PDGFRA: variants seen among roughly 807,000 people sequenced by gnomAD.
PDGFRA encodes the protein platelet derived growth factor receptor alpha, also known as platelet-derived growth factor receptor alpha.
In PDGFRA, 25 loss-of-function variants were observed where a neutral mutation model predicts 121.5. The ratio of observed to expected loss-of-function variants is 0.21; its 90% CI spans 0.15 to 0.29. The LOEUF (loss-of-function observed/expected upper bound fraction) is 0.29. Ranked by LOEUF, PDGFRA falls within the 10% of genes least tolerant of loss-of-function variation. The probability of loss-of-function intolerance (pLI) is 1.00; values close to 1 mark genes in which losing one functional copy is unlikely to be tolerated. For synonymous variants in PDGFRA, 463 were observed against 494.8 expected (o/e 0.94, Z 0.85); for missense variants, 1,008 against 1,345.1 (o/e 0.75, Z 3.92).
chr4:54,259,312 T>TA (rs945970481), intron 2 of PDGFRA, among the ~76,000 whole-genome samples: 9 of 151,944 alleles, frequency 5.9e-5, no homozygotes, highest in African/African-American at 1.7e-4. Context: ...AGACCTCATT[T>TA]AAAAAAAATG....
chr4:54,285,884 A>G lies in PDGFRA; in HGVS notation c.2483A>G (p.Gln828Arg), dbSNP rs756209197. 8.1e-6 allele frequency: 13 copies of G among 1,613,916 alleles called. No individual in the cohort carries two copies. Among genetic ancestry groups the G allele is most frequent in the African/African-American group, 4.0e-5 (3 of 74,920 alleles). ...DLAARNVLLA[Q>R]GKIVKICDFG... ...GCTGCTCGCAACGTCCTCCTGGCAC[A>G]AGGAAAAATTGTGAAGATCTGTGAC... The change falls in exon 18 of 23, where the codon CAA becomes CGA. Residue 828 changes from glutamine (Q) to arginine (R), a missense_variant. Around this residue, in one of 5 missense-constraint regions of PDGFRA, gnomAD observed 40 missense variants for 127.4 expected, o/e 0.31. Transcript: ENST00000257290.
At chr4:54,258,108 T>G (rs528446454) in intron 1 of PDGFRA, among the ~76,000 whole-genome samples, 1 of 152,252 alleles carries the variant, frequency 6.6e-6, no homozygotes, top group Non-Finnish European at 1.5e-5. Flanking sequence ...CTCTCCCACT[T>G]TCTCTCCCTT....
chr4:54,254,062 T>C (rs1199258252), intron 1 of PDGFRA, among the ~76,000 whole-genome samples: 2 of 152,164 alleles, frequency 1.3e-5, no homozygotes, highest in East Asian at 3.9e-4. Flanking sequence ...ACCTGACTTT[T>C]AGGTGAGCTC....
At chr4:54,247,044 C>A (rs1046122920) in intron 1 of PDGFRA, among the ~76,000 whole-genome samples, 2 of 152,106 alleles carry the variant, frequency 1.3e-5, no homozygotes, top group African/African-American at 4.8e-5. Flanking sequence ...CTGAATAGAC[C>A]AATAACAGGC....
intron 1 of PDGFRA, among the ~76,000 whole-genome samples, chr4:54,245,437 C>G (rs1013878957): frequency 2.0e-5 from 3 of 151,632 alleles, no homozygotes; most frequent in Non-Finnish European, 4.4e-5. Context: ...GAATTTTCAA[C>G]CCAGAATTTC....
At chr4:54,272,949 C>T (rs960062751) in intron 9 of PDGFRA, among the ~76,000 whole-genome samples, 13 of 152,194 alleles carry the variant, frequency 8.5e-5, no homozygotes, top group Non-Finnish European at 2.9e-5. Flanking sequence ...AATGTGTTTA[C>T]ACTTCATCCA....
rs138519829 is a variant in PDGFRA at position 54,289,012 on chromosome 4, C to T, written c.2778C>T (p.Tyr926=). The change falls in exon 21 of 23, where the codon TAC becomes TAT. Residue 926 remains tyrosine, a synonymous_variant. Transcript: ENST00000257290. ...CTCTTGAGTTCTGTCCCCACAGCTA[C>T]GAGATCATGGTGAAATGCTGGAACA... ...AKPDHATSEV[Y]EIMVKCWNSE... The T allele has an allele frequency of 3.1e-3, 4,944 of 1,604,072 alleles. 30 individuals are homozygous for T. The highest frequency in any genetic ancestry group is 2.5e-3 in the South Asian group (227 of 90,890).
chr4:54,287,701 C>T (rs1016389567), intron 19 of PDGFRA, among the ~76,000 whole-genome samples, 160 bp downstream of exon 19: 4 of 152,160 alleles, frequency 2.6e-5, no homozygotes, highest in Non-Finnish European at 4.4e-5. Flanking sequence ...CTTATTGTGT[C>T]TGAGATAGGC....
At chr4:54,260,254 A>G (rs1722612339) in intron 2 of PDGFRA, among the ~76,000 whole-genome samples, 1 of 151,980 alleles carries the variant, frequency 6.6e-6, no homozygotes, top group South Asian at 2.1e-4. Context: ...AATCCACATC[A>G]TCCTGCTTTG....
chr4:54,277,318 C>T, intron 12 of PDGFRA, 70 bp from the exon 13 acceptor site: 1 of 1,020,666 alleles, frequency 9.8e-7, no homozygotes, highest in South Asian at 1.3e-5. Context: ...CCGCAGAGAG[C>T]TGGCTACGGT....
chr4:54,275,865 C>T (rs368175509), intron 12 of PDGFRA, among the ~76,000 whole-genome samples: 33 of 152,216 alleles, frequency 2.2e-4, no homozygotes, highest in African/African-American at 7.0e-4. Context: ...GGGCATAGGC[C>T]GAACTAACTT....
At chr4:54,253,980 T>TG (rs1310413973) in intron 1 of PDGFRA, among the ~76,000 whole-genome samples, 3 of 152,216 alleles carry the variant, frequency 2.0e-5, no homozygotes, top group Non-Finnish European at 4.4e-5. Flanking sequence ...CCATTGTGCC[T>TG]GGCCTGTTCT....
chr4:54,247,826 T>A (rs185481804), intron 1 of PDGFRA, among the ~76,000 whole-genome samples: 38 of 152,276 alleles, frequency 2.5e-4, no homozygotes, highest in Admixed American at 1.4e-3. Flanking sequence ...GAAAACCCCA[T>A]TGTCTCAGCC....
At chr4:54,252,928 G>A (rs1722137891) in intron 1 of PDGFRA, among the ~76,000 whole-genome samples, 1 of 151,142 alleles carries the variant, frequency 6.6e-6, no homozygotes, top group South Asian at 2.1e-4. Flanking sequence ...CATGTCCAAT[G>A]GCTCTTTACT....
chr4:54,260,405 T>TG, intron 2 of PDGFRA, among the ~76,000 whole-genome samples: 1 of 107,716 alleles, frequency 9.3e-6, no homozygotes, highest in African/African-American at 3.7e-5. Flanking sequence ...GGGTTTTTTT[T>TG]TTTTTTTTTT....
chr4:54,249,527 C>G (rs541773984), intron 1 of PDGFRA, among the ~76,000 whole-genome samples: 8 of 151,958 alleles, frequency 5.3e-5, no homozygotes, highest in African/African-American at 1.7e-4. Flanking sequence ...AGTAAACTAT[C>G]GCAAGAAGAA....
At chr4:54,280,251 A>G in intron 15 of PDGFRA, 65 bp from the exon 16 acceptor site, 2 of 484,544 alleles carry the variant, frequency 4.1e-6, no homozygotes, top group Non-Finnish European at 6.7e-6. Flanking sequence ...ATCATCATCT[A>G]CTGAAAGTGG....
In PDGFRA at chr4:54,296,701, C is replaced by T. The variant is rs56288633; in HGVS notation, c.*1429C>T. 2,838 of 232,624 alleles carry T rather than the reference C, an allele frequency of 0.012. 30 individuals carry two copies. The highest frequency in any genetic ancestry group is 0.022 in the Middle Eastern group (17 of 784). 14.4% of individuals were successfully genotyped at this position (232,624 alleles called of 1,614,324 possible). Reference sequence around the variant, plus strand: ...TTCTAAACTCCCTGGCTGTTCTGATCGGCCAGTTTTCGGAAACACTGACTT... The same window carrying T: ...TTCTAAACTCCCTGGCTGTTCTGATTGGCCAGTTTTCGGAAACACTGACTT... On this transcript the variant is annotated 3_prime_UTR_variant, in exon 23 of 23. Transcript: ENST00000257290.
At chr4:54,233,305 C>T (rs1720804534) in intron 1 of PDGFRA, among the ~76,000 whole-genome samples, 1 of 152,210 alleles carries the variant, frequency 6.6e-6, no homozygotes, top group Admixed American at 6.5e-5. Flanking sequence ...CTCTGGGTCC[C>T]GGGGTCAGAA....
Sources: allele counts gnomAD v4.1 joint callset (sites outside exome capture counted in the v4.1 genomes callset), GRCh38; gene constraint gnomAD v4.1.1; regional missense constraint gnomAD v4.1.1; transcripts MANE v1.5; gene names NCBI Gene and HGNC (gene_info 2026-07-23, HGNC 2026-07-21).